ABCA12: variants seen among roughly 807,000 people sequenced by gnomAD.
The protein encoded by ABCA12 is glucosylceramide transporter ABCA12.
In ABCA12, 156 loss-of-function variants were observed where a neutral mutation model predicts 293.5. That is an observed-to-expected ratio of 0.53 (90% CI 0.47 to 0.61). The LOEUF (loss-of-function observed/expected upper bound fraction) is 0.61, where lower values mean the gene tolerates loss of function less well. Ranked by LOEUF, ABCA12 falls within the 20% of genes least tolerant of loss-of-function variation. The pLI is 0.00. For missense variants in ABCA12, 2,797 were observed against 3,090.2 expected (o/e 0.91, Z 2.25); for synonymous variants, 1,063 against 1,108.0 (o/e 0.96, Z 0.81).
intron 3 of ABCA12, among the ~76,000 whole-genome samples, chr2:215,058,886 T>C (rs745478095): frequency 6.6e-6 from 1 of 152,054 alleles, no homozygotes; most frequent in Non-Finnish European, 1.5e-5. Context: ...TTCTCAGACA[T>C]GTCTACCAAT....
intron 39 of ABCA12, chr2:214,962,120 A>G (rs946662397): frequency 6.6e-6 from 1 of 152,308 alleles, no homozygotes; most frequent in African/African-American, 2.4e-5. Flanking sequence ...GCATGGAAAA[A>G]CAATTTGCGC....
At chr2:215,099,624 T>G (rs1239623856) in intron 2 of ABCA12, among the ~76,000 whole-genome samples, 3 of 145,416 alleles carry the variant, frequency 2.1e-5, no homozygotes, top group African/African-American at 7.7e-5. Context: ...ACACAGGAGG[T>G]GGAGGTTGTA....
At chr2:215,007,672 A>T in intron 19 of ABCA12, 55 bp downstream of exon 19, 1 of 1,608,808 alleles carries the variant, frequency 6.2e-7, no homozygotes, top group East Asian at 2.2e-5. Context: ...GAAGGCAATT[A>T]AAATCTCAAA....
intron 37 of ABCA12, among the ~76,000 whole-genome samples, chr2:214,969,760 G>A (rs1397215265): frequency 6.6e-6 from 1 of 151,964 alleles, no homozygotes; most frequent in Non-Finnish European, 1.5e-5. Context: ...AGAAACAAAG[G>A]AGGGAAGAGA....
chr2:214,938,189 A>G (rs913878305), intron 50 of ABCA12, among the ~76,000 whole-genome samples: 1 of 149,618 alleles, frequency 6.7e-6, no homozygotes, highest in African/African-American at 2.5e-5. Flanking sequence ...CCCACTTATG[A>G]GTGAGAACAT....
chr2:215,097,504 C>A (rs564878678), intron 2 of ABCA12, among the ~76,000 whole-genome samples: 8 of 152,084 alleles, frequency 5.3e-5, no homozygotes, highest in African/African-American at 1.9e-4. Flanking sequence ...TAAATATTTG[C>A]TTAACAAATA....
intron 3 of ABCA12, 106 bp from the exon 4 acceptor site, chr2:215,054,770 T>G: frequency 1.2e-6 from 1 of 818,092 alleles, no homozygotes; most frequent in African/African-American, 1.7e-5. Context: ...TTTCAAATAT[T>G]TAATATAGTT....
chr2:214,993,768 A>C (rs545301116), intron 23 of ABCA12, among the ~76,000 whole-genome samples: 94 of 152,328 alleles, frequency 6.2e-4, no homozygotes, highest in African/African-American at 1.8e-3. Flanking sequence ...AGCTGATGTC[A>C]TGTGTATAAA....
At chr2:214,956,605 G>A in intron 42 of ABCA12, 58 bp downstream of exon 42, 1 of 1,249,242 alleles carries the variant, frequency 8.0e-7, no homozygotes, top group Non-Finnish European at 1.2e-6. Context: ...AGTCCTATTT[G>A]TGTCTAGGGG....
rs1044089104 is a variant in ABCA12 at position 215,111,638 on chromosome 2, G to A, written c.122C>T (p.Ala41Val). The change falls in exon 2 of 53, where the codon GCT becomes GTT. Residue 41 changes from alanine to valine, a missense_variant. Transcript: ENST00000272895. ...TGGAGGAAATTTGGTCCGAGTAATA[G>A]CCAAAATTATGAAAATAATGACTGG... is the stretch of plus-strand genomic sequence containing the variant. ...LWPVIIFIIL[A>V]ITRTKFPPTA... The A allele has an allele frequency of 8.1e-6, 13 of 1,613,296 alleles. No homozygotes were observed. In the East Asian group the frequency reaches 2.7e-4, roughly 33 times the overall value.
intron 36 of ABCA12, among the ~76,000 whole-genome samples, chr2:214,970,967 T>A (rs1699373625): frequency 1.3e-5 from 2 of 152,112 alleles, no homozygotes; most frequent in Non-Finnish European, 2.9e-5. Flanking sequence ...TTATTTTAGA[T>A]TTACAGAAAA....
chr2:215,000,298 A>C (rs1393072298), intron 22 of ABCA12, among the ~76,000 whole-genome samples: 5 of 152,222 alleles, frequency 3.3e-5, no homozygotes, highest in African/African-American at 1.2e-4. Context: ...TCATGCGCTC[A>C]GATTTTTTAA....
At chr2:215,100,815 G>T (rs891764375) in intron 2 of ABCA12, among the ~76,000 whole-genome samples, 3 of 152,040 alleles carry the variant, frequency 2.0e-5, no homozygotes, top group Non-Finnish European at 2.9e-5. Context: ...ATAATGAAAA[G>T]ATTTTAACAT....
intron 2 of ABCA12, among the ~76,000 whole-genome samples, chr2:215,105,670 C>A (rs1364206435): frequency 6.6e-6 from 1 of 151,524 alleles, no homozygotes; most frequent in Admixed American, 6.6e-5. Flanking sequence ...AAGCATGAGA[C>A]AATGGGATCT....
intron 48 of ABCA12, 85 bp downstream of exon 48, chr2:214,947,337 A>G: frequency 2.5e-6 from 4 of 1,582,750 alleles, no homozygotes; most frequent in Admixed American, 3.3e-5. Context: ...TGTTGACTGC[A>G]ATCATGATGA....
chr2:214,979,344 C>A (rs1025140498), intron 31 of ABCA12, among the ~76,000 whole-genome samples: 2 of 152,060 alleles, frequency 1.3e-5, no homozygotes, highest in Admixed American at 6.6e-5. Flanking sequence ...AGGGTCCTTG[C>A]AACTGGTGGT....
At chr2:214,996,179 G>T (rs897434960) in intron 23 of ABCA12, among the ~76,000 whole-genome samples, 3 of 152,110 alleles carry the variant, frequency 2.0e-5, no homozygotes, top group Admixed American at 6.5e-5. Flanking sequence ...TGCATTTTCA[G>T]TTGAGAAATG....
intron 7 of ABCA12, among the ~76,000 whole-genome samples, chr2:215,039,756 C>CAA (rs1281194128): frequency 7.2e-6 from 1 of 139,848 alleles, no homozygotes; most frequent in African/African-American, 2.7e-5. Context: ...CTCCTTCTCA[C>CAA]AAAAAATAAA....
chr2:214,951,010 T>A lies in ABCA12; in HGVS notation c.6721A>T (p.Arg2241Ter). Residue 2241 changes from arginine (R) to a stop codon, truncating the protein, a stop_gained, in exon 45 of 53, where the codon AGA becomes TGA. Coordinates refer to ENST00000272895, the MANE Select transcript of ABCA12 (RefSeq NM_173076.3). LOFTEE classifies it high-confidence loss of function. ...GCTGCACCACTCTCAACTCTTAATC[T>A]CTCAGCCCGCACATCTTCATCCTCA... Reference protein sequence around the residue: ...IDEDEDVRAERLRVESGAAEF... With the variant: ...IDEDEDVRAE 6.2e-7 allele frequency: 1 copy of A among 1,614,152 alleles called. No individual in the cohort carries two copies. The highest frequency in any genetic ancestry group is 1.3e-5 in the African/African-American group (1 of 75,036).
Sources: gnomAD v4.1 joint callset for allele counts (sites outside exome capture counted in the v4.1 genomes callset) on GRCh38, gnomAD v4.1.1 for gene constraint, MANE v1.5 for transcripts, NCBI Gene and HGNC (gene_info 2026-07-23, HGNC 2026-07-21) for gene names.